XKRX: variants seen among roughly 807,000 people sequenced by gnomAD.
The protein encoded by XKRX is XK-related protein 2.
A neutral mutation model predicts 22.4 loss-of-function variants in XKRX; 11 were observed. The ratio of observed to expected loss-of-function variants is 0.49; its 90% CI spans 0.31 to 0.81. XKRX has a LOEUF of 0.81. Among genes scored for constraint, XKRX ranks in the 40% least tolerant of loss-of-function variants. The pLI is 0.05. For synonymous variants in XKRX, 114 were observed against 132.2 expected (o/e 0.86, Z 0.94); for missense variants, 320 against 336.5 (o/e 0.95, Z 0.38).
the XKRX span, among the ~76,000 whole-genome samples, chrX:100,902,761 T>C: frequency 9.1e-6 from 1 of 110,328 alleles, no homozygotes; most frequent in Non-Finnish European, 1.9e-5. Context: ...ACATCTATTT[T>C]TTTTTTTTAG....
chrX:100,889,963 C>T, the XKRX span, among the ~76,000 whole-genome samples: 1 of 112,042 alleles, frequency 8.9e-6, no homozygotes, highest in Admixed American at 9.5e-5. Context: ...ATGATTGTGC[C>T]ACTGCACTCC....
At chrX:100,917,686 GA>G (rs773192046) in intron 2 of XKRX, among the ~76,000 whole-genome samples, 2 of 91,942 alleles carry the variant, frequency 2.2e-5, no homozygotes, top group Non-Finnish European at 4.2e-5. Flanking sequence ...AAGAAAGAAA[GA>G]AAGAAAGAAA....
chrX:100,916,275 CT>C (rs778814018), intron 2 of XKRX, among the ~76,000 whole-genome samples: 1 of 111,747 alleles, frequency 8.9e-6, no homozygotes, highest in Non-Finnish European at 1.9e-5. Context: ...ACCAAAATAT[CT>C]TTTTTTGTGT....
chrX:100,949,078 C>T, the XKRX span, among the ~76,000 whole-genome samples: 7 of 112,514 alleles, frequency 6.2e-5, no homozygotes, highest in East Asian at 2.8e-4. Flanking sequence ...CTGTGTCAGT[C>T]GACAAGGCCC....
chrX:100,947,777 G>A, the XKRX span, among the ~76,000 whole-genome samples: 39 of 112,134 alleles, frequency 3.5e-4, no homozygotes, highest in East Asian at 8.6e-3. Context: ...AAAATAATCA[G>A]CAGGAAAATC....
At position 100,914,157 on chromosome X, in the gene XKRX, T is replaced by C; in HGVS notation, c.*181A>G. The C allele has an allele frequency of 1.9e-6, 1 of 525,017 alleles. No homozygotes were observed. Among genetic ancestry groups the C allele is most frequent in the South Asian group, 3.3e-5 (1 of 30,435 alleles). 43.3% of individuals were successfully genotyped at this position (525,017 alleles called of 1,213,427 possible). A position where few individuals can be genotyped will look rare whatever the true frequency, so the allele number is the denominator to read the frequency against. ...AGTCGATACCCCCTGTTTCCAAACA[T>C]AGTGGTAACTCTTAAGAAAATAAAA... On this transcript the variant is annotated 3_prime_UTR_variant, in exon 3 of 3. Coordinates refer to ENST00000372956, the MANE Select transcript of XKRX (RefSeq NM_212559.3).
chrX:100,925,607 C>A (rs753570858), intron 1 of XKRX, among the ~76,000 whole-genome samples: 1 of 111,688 alleles, frequency 9.0e-6, no homozygotes, highest in African/African-American at 3.2e-5. Flanking sequence ...TGGGTACTTT[C>A]TGAAATTTGT....
upstream of XKRX, among the ~76,000 whole-genome samples, chrX:100,929,881 T>G (rs2085515356): frequency 8.9e-6 from 1 of 111,811 alleles, no homozygotes; most frequent in Non-Finnish European, 1.9e-5. Flanking sequence ...CTTTGAAAAT[T>G]ACCTGTATTC....
downstream of XKRX, chrX:100,911,384 A>G (rs1437480618): frequency 1.3e-6 from 1 of 792,493 alleles, no homozygotes; most frequent in Non-Finnish European, 2.0e-6. Flanking sequence ...AAATGTGAGC[A>G]AACTGGGACT....
At chrX:100,952,819 G>C in the XKRX span, among the ~76,000 whole-genome samples, 1 of 112,146 alleles carries the variant, frequency 8.9e-6, no homozygotes, top group East Asian at 2.8e-4. Context: ...AGGAGAAGAG[G>C]TGAGTGTGAC....
chrX:100,913,413 C>CAG (rs2085414828), downstream of XKRX: 1 of 109,192 alleles, frequency 9.2e-6, no homozygotes, highest in Admixed American at 9.9e-5. Flanking sequence ...CACACACACA[C>CAG]ACACATTAAT....
Position 100,928,556 on chromosome X carries a change from C to T in XKRX, c.-252G>A, listed in dbSNP as rs1423419978. 1 of 979,891 alleles carries T rather than the reference C, an allele frequency of 1.0e-6. No homozygotes were observed. The highest frequency in any genetic ancestry group is 1.3e-6 in the Non-Finnish European group (1 of 782,572). 80.8% of individuals were successfully genotyped at this position (979,891 alleles called of 1,213,427 possible). The stretch of plus-strand genomic sequence containing the variant: ...ACTCTTGATTGGCCCCGATTCCAAT[C>T]GTCAACATACTTGCTGTGAAACTTG... On this transcript the variant is annotated 5_prime_UTR_variant, in exon 1 of 3. Transcript: ENST00000372956.
At chrX:100,946,608 G>C in the XKRX span, among the ~76,000 whole-genome samples, 1 of 111,848 alleles carries the variant, frequency 8.9e-6, no homozygotes, top group African/African-American at 3.3e-5. Context: ...ACAAGAGGAT[G>C]AGGGAAGAAA....
At position 100,913,977 on chromosome X, in the gene XKRX, C is replaced by A. The variant is rs1177867074; in HGVS notation, c.*361G>T. The A allele has an allele frequency of 5.8e-6, 1 of 172,875 alleles. No homozygotes were observed. The highest frequency in any genetic ancestry group is 1.1e-5 in the Non-Finnish European group (1 of 91,328). 14.2% of individuals were successfully genotyped at this position (172,875 alleles called of 1,213,427 possible). A position where few individuals can be genotyped will look rare whatever the true frequency, so the allele number is the denominator to read the frequency against. On this transcript the variant is annotated 3_prime_UTR_variant, in exon 3 of 3. Coordinates refer to ENST00000372956, the MANE Select transcript of XKRX (RefSeq NM_212559.3). ...GGATATATTCTAGCGGGATTCTGGG[C>A]CTTCAGCTCAGCCCAGGAAAGCTCA... is the stretch of plus-strand genomic sequence containing the variant.
At chrX:100,903,951 C>T in the XKRX span, among the ~76,000 whole-genome samples, 2 of 111,757 alleles carry the variant, frequency 1.8e-5, no homozygotes, top group African/African-American at 6.5e-5. Flanking sequence ...CAATCAAAAT[C>T]CCAGCAAATT....
the XKRX span, among the ~76,000 whole-genome samples, chrX:100,897,591 A>ATG: frequency 0.045 from 1,802 of 40,132 alleles, 40 homozygotes; most frequent in Non-Finnish European, 0.06. Context: ...ACAAATATAT[A>ATG]TATGTGTGTG....
the XKRX span, among the ~76,000 whole-genome samples, chrX:100,904,747 G>A: frequency 1.8e-5 from 2 of 111,813 alleles, no homozygotes; most frequent in Admixed American, 9.6e-5. Flanking sequence ...AAGGTCTTAT[G>A]GGTAAGTGAG....
chrX:100,957,321 C>T, the XKRX span: 10 of 1,085,106 alleles, frequency 9.2e-6, no homozygotes, highest in South Asian at 1.8e-5. Flanking sequence ...ACATGGTGAC[C>T]TCATTGTGAT....
At chrX:100,888,075 T>G in the XKRX span, 3 of 1,150,545 alleles carry the variant, frequency 2.6e-6, no homozygotes, top group African/African-American at 5.3e-5. Flanking sequence ...AACTTCACAG[T>G]TGTGGCCATT....
Sources: allele counts gnomAD v4.1 joint callset (sites outside exome capture counted in the v4.1 genomes callset), GRCh38; gene constraint gnomAD v4.1.1; transcripts MANE v1.5; gene names NCBI Gene and HGNC (gene_info 2026-07-23, HGNC 2026-07-21).